AKAP19: variants seen among roughly 807,000 people sequenced by gnomAD.
The protein encoded by AKAP19 is small A-kinase anchoring protein.
chr2:190,190,770 C>T, the AKAP19 span, among the ~76,000 whole-genome samples: 3 of 152,100 alleles, frequency 2.0e-5, no homozygotes, highest in African/African-American at 7.2e-5. Context: ...TTAAAAAATA[C>T]CTTTTTAAAA....
the AKAP19 span, among the ~76,000 whole-genome samples, chr2:190,087,159 A>G: frequency 6.6e-6 from 1 of 152,200 alleles, no homozygotes; most frequent in Non-Finnish European, 1.5e-5. Flanking sequence ...ATATACAATA[A>G]CTTGTGGGAC....
At chr2:190,062,508 T>G in the AKAP19 span, 4 of 1,613,364 alleles carry the variant, frequency 2.5e-6, no homozygotes, top group African/African-American at 5.3e-5. Context: ...CACATTTTCT[T>G]TTTGCTCACT....
chr2:190,124,626 CTT>C, the AKAP19 span, among the ~76,000 whole-genome samples: 1 of 152,190 alleles, frequency 6.6e-6, no homozygotes, highest in Non-Finnish European at 1.5e-5. Context: ...GGGAGGATCA[CTT>C]GAGCCCAACA....
chr2:190,086,785 G>A, the AKAP19 span, among the ~76,000 whole-genome samples: 1 of 152,182 alleles, frequency 6.6e-6, no homozygotes, highest in African/African-American at 2.4e-5. Flanking sequence ...TCTTGCCTTT[G>A]AGACATGGTC....
the AKAP19 span, among the ~76,000 whole-genome samples, chr2:190,143,717 C>T: frequency 1.3e-5 from 2 of 151,760 alleles, no homozygotes; most frequent in African/African-American, 4.8e-5. Flanking sequence ...AAGACACATG[C>T]ACATGTATGT....
At chr2:189,952,732 G>A in the AKAP19 span, among the ~76,000 whole-genome samples, 4 of 152,124 alleles carry the variant, frequency 2.6e-5, no homozygotes, top group East Asian at 1.9e-4. Context: ...TACATGTGAC[G>A]TATCCTTTTA....
the AKAP19 span, among the ~76,000 whole-genome samples, chr2:190,199,061 T>C: frequency 2.6e-5 from 4 of 152,222 alleles, 1 homozygote; most frequent in Admixed American, 1.3e-4. Flanking sequence ...AAAGCCAACA[T>C]TGTTTACTAC....
At chr2:189,972,269 T>G in the AKAP19 span, among the ~76,000 whole-genome samples, 1 of 152,150 alleles carries the variant, frequency 6.6e-6, no homozygotes, top group African/African-American at 2.4e-5. Context: ...TTTTGTCAGG[T>G]TTGTCAAAGA....
the AKAP19 span, among the ~76,000 whole-genome samples, chr2:190,132,873 C>A: frequency 1.3e-5 from 2 of 152,074 alleles, no homozygotes; most frequent in African/African-American, 2.4e-5. Context: ...AAGATATTTG[C>A]AAACCATGCA....
chr2:189,968,442 A>G, the AKAP19 span, among the ~76,000 whole-genome samples: 2 of 152,006 alleles, frequency 1.3e-5, no homozygotes, highest in Non-Finnish European at 2.9e-5. Flanking sequence ...ATCTCACTAT[A>G]TTGCCCAGGC....
the AKAP19 span, chr2:190,201,163 C>G: frequency 6.0e-6 from 1 of 166,998 alleles, no homozygotes; most frequent in African/African-American, 2.4e-5. Context: ...AGTGGTAACA[C>G]AAGCCTATAG....
the AKAP19 span, among the ~76,000 whole-genome samples, chr2:190,065,279 C>T: frequency 6.6e-6 from 1 of 152,014 alleles, no homozygotes; most frequent in Non-Finnish European, 1.5e-5. Context: ...ATGGTGGTTG[C>T]CAGGGACTGG....
At chr2:189,929,000 C>A in the AKAP19 span, among the ~76,000 whole-genome samples, 93 of 152,226 alleles carry the variant, frequency 6.1e-4, no homozygotes, top group Middle Eastern at 0.024. Context: ...ACCTCTAACA[C>A]TTCAGAAGCC....
the AKAP19 span, among the ~76,000 whole-genome samples, chr2:190,172,942 G>A: frequency 7.2e-5 from 11 of 151,968 alleles, no homozygotes; most frequent in African/African-American, 1.7e-4. Flanking sequence ...GCGAAACCCC[G>A]TCCCAACTAA....
At chr2:190,156,718 G>T in the AKAP19 span, among the ~76,000 whole-genome samples, 2 of 152,188 alleles carry the variant, frequency 1.3e-5, no homozygotes, top group African/African-American at 4.8e-5. Context: ...AATATATCAT[G>T]TCATAGCCAT....
chr2:189,940,080 C>T, the AKAP19 span, among the ~76,000 whole-genome samples: 1 of 152,176 alleles, frequency 6.6e-6, no homozygotes. Context: ...GAGATCGAGA[C>T]CATCTTGGCT....
the AKAP19 span, among the ~76,000 whole-genome samples, chr2:190,000,272 C>A: frequency 6.6e-6 from 1 of 152,170 alleles, no homozygotes; most frequent in Non-Finnish European, 1.5e-5. Flanking sequence ...TTTCAGTAAA[C>A]CACGTAGGGG....
At chr2:190,153,706 GTAT>G in the AKAP19 span, among the ~76,000 whole-genome samples, 2 of 151,968 alleles carry the variant, frequency 1.3e-5, no homozygotes, top group Admixed American at 1.3e-4. Flanking sequence ...AATATATTTT[GTAT>G]TATTGAGTTA....
At chr2:190,009,596 T>C in the AKAP19 span, among the ~76,000 whole-genome samples, 2 of 152,202 alleles carry the variant, frequency 1.3e-5, no homozygotes, top group African/African-American at 4.8e-5. Context: ...ATGGATATGT[T>C]GAGTTTGAGA....
Sources: gnomAD v4.1 joint callset for allele counts (sites outside exome capture counted in the v4.1 genomes callset) on GRCh38, gnomAD v4.1.1 for gene constraint, MANE v1.5 for transcripts, NCBI Gene and HGNC (gene_info 2026-07-23, HGNC 2026-07-21) for gene names.